Variants in ALKBH3 observed in about 807,000 individuals in gnomAD.
The protein encoded by ALKBH3 is alpha-ketoglutarate-dependent dioxygenase alkB homolog 3.
In ALKBH3, 51 loss-of-function variants were observed where a neutral mutation model predicts 43.9. The observed-to-expected ratio is 1.16, with a 90% confidence interval of 0.93 to 1.47. ALKBH3 has a LOEUF of 1.47. Ranked by LOEUF, ALKBH3 falls within the 40% of genes most tolerant of loss-of-function variation. ALKBH3 has a pLI of 0.00. For synonymous variants in ALKBH3, 102 were observed against 115.2 expected (o/e 0.89, Z 0.73); for missense variants, 361 against 351.9 (o/e 1.03, Z -0.21).
chr11:43,900,517 T>C (rs4755755), intron 7 of ALKBH3, among the ~76,000 whole-genome samples: 36,047 of 152,078 alleles, frequency 0.24, 4,772 homozygotes, highest in Admixed American at 0.4. Flanking sequence ...CCATGTTGCC[T>C]GGCCTGTCCT....
rs528873594 is a variant in ALKBH3, at chr11:43,881,159, G to A, written c.-91G>A. 1 of 152,310 alleles carries A rather than the reference G, an allele frequency of 6.6e-6. No homozygotes were observed. Among genetic ancestry groups the A allele is most frequent in the Non-Finnish European group, 1.5e-5 (1 of 68,102 alleles). 9.4% of individuals were successfully genotyped at this position (152,310 alleles called of 1,614,324 possible). ...GAAAGTGACTGCCCTGTTTACTGAG[G>A]AAAAACTGGGGCTCAGAAAGGTGAA... On this transcript the variant is annotated 5_prime_UTR_variant, in exon 1 of 10. Coordinates refer to ENST00000302708, the MANE Select transcript of ALKBH3 (RefSeq NM_139178.4).
intron 8 of ALKBH3, among the ~76,000 whole-genome samples, chr11:43,916,401 G>A (rs182555253): frequency 4.3e-4 from 66 of 152,236 alleles, no homozygotes; most frequent in Non-Finnish European, 7.8e-4. Context: ...CATGTTTTTC[G>A]CTTTTTCCAT....
chr11:43,914,790 T>A (rs1951969539), intron 8 of ALKBH3, among the ~76,000 whole-genome samples: 1 of 152,082 alleles, frequency 6.6e-6, no homozygotes, highest in Non-Finnish European at 1.5e-5. Context: ...TGCCTTAATA[T>A]CTGTGGTTGT....
intron 8 of ALKBH3, chr11:43,909,660 A>G (rs1182405288): frequency 6.6e-6 from 1 of 152,252 alleles, no homozygotes; most frequent in Non-Finnish European, 1.5e-5. Context: ...TTAGTTTTCA[A>G]ATATCATTTC....
At chr11:43,905,892 C>T (rs1590377075) in intron 8 of ALKBH3, among the ~76,000 whole-genome samples, 2 of 152,266 alleles carry the variant, frequency 1.3e-5, no homozygotes, top group South Asian at 4.1e-4. Flanking sequence ...ACTACAAAAG[C>T]CATTTGGCAG....
intron 8 of ALKBH3, among the ~76,000 whole-genome samples, chr11:43,916,030 GA>G (rs1285383580): frequency 1.3e-5 from 2 of 152,158 alleles, no homozygotes; most frequent in Non-Finnish European, 2.9e-5. Flanking sequence ...ATTCTAGAAG[GA>G]AAACCTGTAT....
intron 7 of ALKBH3, among the ~76,000 whole-genome samples, chr11:43,895,284 C>T (rs985743091): frequency 6.6e-6 from 1 of 152,184 alleles, no homozygotes; most frequent in Non-Finnish European, 1.5e-5. Flanking sequence ...AAGGGCAGGG[C>T]CAGGTGGAGA....
intron 8 of ALKBH3, chr11:43,916,714 T>G (rs1045266860): frequency 6.6e-6 from 1 of 152,256 alleles, no homozygotes; most frequent in Non-Finnish European, 1.5e-5. Context: ...GGAGCCTTTA[T>G]GCACAGCCAT....
intron 4 of ALKBH3, among the ~76,000 whole-genome samples, chr11:43,884,221 A>G (rs1951732684): frequency 6.6e-6 from 1 of 152,230 alleles, no homozygotes; most frequent in Non-Finnish European, 1.5e-5. Context: ...AAAATGCAAC[A>G]AGATATCCAT....
chr11:43,909,560 C>T (rs930970250), intron 8 of ALKBH3: 2 of 152,194 alleles, frequency 1.3e-5, no homozygotes, highest in East Asian at 1.9e-4. Flanking sequence ...AAAAAGAGGA[C>T]ATTACTGGCA....
chr11:43,898,480 A>G, intron 7 of ALKBH3: 1 of 947,194 alleles, frequency 1.1e-6, no homozygotes, highest in Non-Finnish European at 1.7e-6. Flanking sequence ...GCAGATGGAC[A>G]CCAACGGCTT....
At chr11:43,902,443 C>T (rs1366328633) in intron 8 of ALKBH3, among the ~76,000 whole-genome samples, 1 of 152,204 alleles carries the variant, frequency 6.6e-6, no homozygotes, top group Non-Finnish European at 1.5e-5. Flanking sequence ...ACTGTAGTCC[C>T]TTACGACTAA....
chr11:43,905,947 G>A (rs1951893334), intron 8 of ALKBH3, among the ~76,000 whole-genome samples: 1 of 152,216 alleles, frequency 6.6e-6, no homozygotes, highest in Non-Finnish European at 1.5e-5. Context: ...TGATGGCTGG[G>A]GGGTGTTATT....
At position 43,884,098 on chromosome 11, in the gene ALKBH3, T is replaced by G. The variant is rs1590364909; in HGVS notation, c.218+81T>G. On this transcript the variant is annotated intron_variant, in intron 4 of 9. Transcript: ENST00000302708. ...GAATCTTTCCTCACTGTTTTTTCTA[T>G]CTGGAAGAGAATGGCCCAATAAGTG... 1.9e-6 allele frequency: 3 copies of G among 1,545,386 alleles called. No individual in the cohort carries two copies. The East Asian group carries it at 6.8e-5, about 35-fold the overall frequency.
At chr11:43,898,178 A>G in intron 7 of ALKBH3, 1 of 1,224,760 alleles carries the variant, frequency 8.2e-7, no homozygotes, top group African/African-American at 1.5e-5. Context: ...TACCTGGGCG[A>G]TTTGACTCCG....
At chr11:43,888,047 T>A (rs1302552927) in intron 5 of ALKBH3, among the ~76,000 whole-genome samples, 1 of 151,356 alleles carries the variant, frequency 6.6e-6, no homozygotes, top group Non-Finnish European at 1.5e-5. Context: ...TCCACCTGCC[T>A]TGGCCTCCCA....
Position 43,898,691 on chromosome 11 carries a change from T to C in ALKBH3, c.460-2825T>C, listed in dbSNP as rs543655011. 1.4e-5 allele frequency: 10 copies of C among 716,578 alleles called. No individual in the cohort carries two copies. In the East Asian group the frequency reaches 2.2e-4, roughly 16 times the overall value. The allele number at this position is 716,578 out of a possible 1,614,324, so 44.4% of individuals were successfully genotyped here. On this transcript the variant is annotated intron_variant, in intron 7 of 9. Transcript: ENST00000302708. ...GTGCTGCGGTGGATCATCGAGGTGG[T>C]GAAGGCCAGTTACCCTAAGAGACTG...
chr11:43,884,693 C>T (rs1310804662), intron 4 of ALKBH3, among the ~76,000 whole-genome samples: 2 of 152,284 alleles, frequency 1.3e-5, no homozygotes, highest in African/African-American at 4.8e-5. Context: ...TGTTTGACTG[C>T]TTGCAGATTG....
intron 8 of ALKBH3, among the ~76,000 whole-genome samples, chr11:43,905,380 T>C (rs997404370): frequency 6.6e-6 from 1 of 152,132 alleles, no homozygotes; most frequent in African/African-American, 2.4e-5. Flanking sequence ...GTCAGCTTCA[T>C]GTAGACATCA....
Sources: gnomAD v4.1 joint callset for allele counts (sites outside exome capture counted in the v4.1 genomes callset) on GRCh38, gnomAD v4.1.1 for gene constraint, MANE v1.5 for transcripts, NCBI Gene and HGNC (gene_info 2026-07-23, HGNC 2026-07-21) for gene names.